Variants in SAMMSON observed in about 807,000 individuals in gnomAD.
SAMMSON encodes survival associated mitochondrial melanoma specific oncogenic non-coding RNA.
intron 7 of SAMMSON, among the ~76,000 whole-genome samples, chr3:70,328,292 G>A (rs1023533376): frequency 1.3e-5 from 2 of 152,028 alleles, no homozygotes; most frequent in African/African-American, 4.8e-5. Flanking sequence ...AAATTACCAC[G>A]TACCCAAAGA....
intron 7 of SAMMSON, among the ~76,000 whole-genome samples, chr3:70,315,781 G>A (rs922012257): frequency 6.6e-6 from 1 of 152,052 alleles, no homozygotes; most frequent in Non-Finnish European, 1.5e-5. Flanking sequence ...CTCCAGGCAA[G>A]ACAGACTGGG....
intron 4 of SAMMSON, among the ~76,000 whole-genome samples, chr3:70,189,638 T>C (rs1701116699): frequency 6.6e-6 from 1 of 152,200 alleles, no homozygotes; most frequent in Admixed American, 6.5e-5. Context: ...GGTTGGAAGA[T>C]ACTTATTCTC....
At chr3:70,035,027 C>A (rs2067080168) in intron 3 of SAMMSON, among the ~76,000 whole-genome samples, 1 of 152,040 alleles carries the variant, frequency 6.6e-6, no homozygotes, top group Admixed American at 6.6e-5. Context: ...TCTGAGGGGG[C>A]TTGGCTGGAT....
intron 6 of SAMMSON, among the ~76,000 whole-genome samples, chr3:70,256,397 G>A (rs925170056): frequency 6.6e-5 from 10 of 152,124 alleles, no homozygotes; most frequent in African/African-American, 2.2e-4. Context: ...CCTTTAAAAT[G>A]CCATGCTGAC....
intron 4 of SAMMSON, among the ~76,000 whole-genome samples, chr3:70,120,936 G>T (rs570282788): frequency 1.1e-4 from 16 of 152,204 alleles, no homozygotes; most frequent in African/African-American, 3.6e-4. Flanking sequence ...TTATTACATC[G>T]TAATACATAA....
intron 6 of SAMMSON, among the ~76,000 whole-genome samples, chr3:70,290,395 C>G (rs931137208): frequency 2.0e-5 from 3 of 152,210 alleles, no homozygotes; most frequent in Non-Finnish European, 4.4e-5. Context: ...CAGGGACCCA[C>G]TTGAGGAGGC....
At chr3:70,397,533 T>C (rs1200643429) in intron 2 of SAMMSON, among the ~76,000 whole-genome samples, 1 of 152,132 alleles carries the variant, frequency 6.6e-6, no homozygotes, top group African/African-American at 2.4e-5. Flanking sequence ...TAAGGGGACA[T>C]ACAATGTTCT....
At chr3:70,324,053 C>T (rs1013999039) in intron 7 of SAMMSON, among the ~76,000 whole-genome samples, 2 of 152,042 alleles carry the variant, frequency 1.3e-5, no homozygotes, top group South Asian at 4.1e-4. Flanking sequence ...CAGCTTGAAG[C>T]CCCAGAATCA....
At chr3:70,181,089 A>G (rs1245382730) in intron 4 of SAMMSON, among the ~76,000 whole-genome samples, 1 of 152,188 alleles carries the variant, frequency 6.6e-6, no homozygotes, top group African/African-American at 2.4e-5. Flanking sequence ...GAACGTTGAG[A>G]GTATCAAGCA....
intron 9 of SAMMSON, among the ~76,000 whole-genome samples, chr3:70,366,490 A>ATGT (rs1702920669): frequency 2.4e-5 from 1 of 41,766 alleles, no homozygotes; most frequent in East Asian, 4.5e-4. Context: ...TTGTGTTTTT[A>ATGT]TGTTTTTTTT....
chr3:70,397,641 T>A (rs1039493852), intron 2 of SAMMSON, among the ~76,000 whole-genome samples: 3 of 152,164 alleles, frequency 2.0e-5, no homozygotes, highest in African/African-American at 7.2e-5. Flanking sequence ...TGTGTATGTG[T>A]GTATGATTTC....
At chr3:70,094,435 C>T (rs1423729473) in intron 4 of SAMMSON, among the ~76,000 whole-genome samples, 1 of 152,176 alleles carries the variant, frequency 6.6e-6, no homozygotes, top group Non-Finnish European at 1.5e-5. Context: ...CTCCATTGCT[C>T]TTAAGATAAA....
chr3:70,035,183 C>A (rs1354737978), intron 3 of SAMMSON, among the ~76,000 whole-genome samples: 1 of 151,996 alleles, frequency 6.6e-6, no homozygotes, highest in East Asian at 1.9e-4. Context: ...GTTGAAGGTC[C>A]CTGTTTTCTT....
rs146010947 is a variant in SAMMSON, at chr3:70,024,149, C to G, written n.417+10477C>G. Among the ~76,000 whole-genome samples the G allele has an allele frequency of 5.6e-3, 846 of 152,314 alleles. 6 individuals are homozygous for G. Among genetic ancestry groups the G allele is most frequent in the Middle Eastern group, 0.01 (3 of 294 alleles). Reference sequence around the variant, plus strand: ...CATTTCCTCAGTTAGATTGGCAGTTCTTTGACCCAAAGAACAATGTCTCAC... The same window carrying G: ...CATTTCCTCAGTTAGATTGGCAGTTGTTTGACCCAAAGAACAATGTCTCAC... On this transcript the variant is annotated intron_variant and non_coding_transcript_variant, in intron 3 of 9. Transcript: ENST00000642114.
chr3:70,239,714 T>A (rs925750738), intron 4 of SAMMSON, among the ~76,000 whole-genome samples: 8 of 152,122 alleles, frequency 5.3e-5, no homozygotes, highest in African/African-American at 1.7e-4. Context: ...TCTCTCCTGG[T>A]AAGTGCTTCC....
intron 4 of SAMMSON, chr3:70,204,901 T>C (rs1043552929): frequency 1.3e-5 from 2 of 152,102 alleles, no homozygotes; most frequent in Admixed American, 6.6e-5. Context: ...ATTCACATGA[T>C]GAGTAGCATC....
At chr3:70,229,788 C>T (rs1319016467) in intron 4 of SAMMSON, among the ~76,000 whole-genome samples, 1 of 152,014 alleles carries the variant, frequency 6.6e-6, no homozygotes, top group East Asian at 1.9e-4. Context: ...ATTTTGGTGG[C>T]CAAGAATTCA....
chr3:70,274,813 A>G (rs913859619), intron 6 of SAMMSON, among the ~76,000 whole-genome samples: 1 of 152,226 alleles, frequency 6.6e-6, no homozygotes, highest in African/African-American at 2.4e-5. Context: ...GTATTAAGGA[A>G]TATTATAAAA....
chr3:70,167,942 G>T (rs1258578283), intron 4 of SAMMSON, among the ~76,000 whole-genome samples: 1 of 151,980 alleles, frequency 6.6e-6, no homozygotes, highest in Non-Finnish European at 1.5e-5. Context: ...GACTACATCT[G>T]AATATGGAAA....
Sources: gnomAD v4.1 joint callset for allele counts (sites outside exome capture counted in the v4.1 genomes callset) on GRCh38, gnomAD v4.1.1 for gene constraint, MANE v1.5 for transcripts, NCBI Gene and HGNC (gene_info 2026-07-23, HGNC 2026-07-21) for gene names.